The following ELOVL6 variants were observed in gnomAD, a reference collection of about 807,000 sequenced individuals.
The protein encoded by ELOVL6 is very long chain fatty acid elongase 6.
A neutral mutation model predicts 31.7 loss-of-function variants in ELOVL6; 8 were observed. The ratio of observed to expected loss-of-function variants is 0.25; its 90% confidence interval spans 0.15 to 0.45. The LOEUF is 0.45. Ranked by LOEUF, ELOVL6 falls within the 20% of genes least tolerant of loss-of-function variation. The probability of loss-of-function intolerance (pLI) is 1.00; values close to 1 mark genes in which losing one functional copy is unlikely to be tolerated. For missense variants in ELOVL6, 126 were observed against 326.4 expected (o/e 0.39, Z 4.73); for synonymous variants, 101 against 117.7 (o/e 0.86, Z 0.92).
intron 2 of ELOVL6, among the ~76,000 whole-genome samples, chr4:110,101,788 C>A (rs570062258): frequency 6.6e-6 from 1 of 152,320 alleles, no homozygotes; most frequent in African/African-American, 2.4e-5. Flanking sequence ...GACCCTCCCA[C>A]CTCAGCCTCC....
intron 1 of ELOVL6, among the ~76,000 whole-genome samples, chr4:110,109,714 C>A (rs1756977393): frequency 6.6e-6 from 1 of 152,142 alleles, no homozygotes; most frequent in African/African-American, 2.4e-5. Context: ...GAAACCAGTG[C>A]TTAGCTTGAG....
intron 2 of ELOVL6, among the ~76,000 whole-genome samples, chr4:110,078,947 C>A (rs1033028255): frequency 6.6e-6 from 1 of 152,122 alleles, no homozygotes; most frequent in African/African-American, 2.4e-5. Context: ...ATCCTAGTCT[C>A]TGATAAAACA....
intron 2 of ELOVL6, among the ~76,000 whole-genome samples, chr4:110,099,415 A>C (rs978764575): frequency 6.6e-6 from 1 of 152,198 alleles, no homozygotes; most frequent in African/African-American, 2.4e-5. Flanking sequence ...ATAGCCAGGA[A>C]ATTACAATGA....
intron 2 of ELOVL6, among the ~76,000 whole-genome samples, chr4:110,063,031 A>G (rs763913116): frequency 4.6e-5 from 7 of 152,094 alleles, no homozygotes; most frequent in Non-Finnish European, 1.0e-4. Context: ...CTCTATCACT[A>G]TTTGTATTAC....
intron 2 of ELOVL6, among the ~76,000 whole-genome samples, chr4:110,099,615 T>C (rs181479577): frequency 6.6e-6 from 1 of 152,212 alleles, no homozygotes; most frequent in Non-Finnish European, 1.5e-5. Flanking sequence ...CTTTTTATAA[T>C]GTACACTAAC....
At chr4:110,147,977 G>T (rs568741864) in intron 1 of ELOVL6, among the ~76,000 whole-genome samples, 11 of 152,128 alleles carry the variant, frequency 7.2e-5, no homozygotes, top group Non-Finnish European at 1.5e-4. Flanking sequence ...AGCTGGGTGT[G>T]GTGGCGCATG....
In ELOVL6 at chr4:110,198,243, G is replaced by A. The variant is rs751604418; in HGVS notation, c.89+4C>T. Reference sequence around the variant, plus strand: ...GAACAGTATCAGGCGAAAGCATCACGTACCAGTTTTCCTGCATCCATTGGA... The same window carrying A: ...GAACAGTATCAGGCGAAAGCATCACATACCAGTTTTCCTGCATCCATTGGA... On this transcript the variant is annotated splice_donor_region_variant and intron_variant, in intron 1 of 3. Transcript: ENST00000302274. 44 of 1,565,240 alleles carry A rather than the reference G, an allele frequency of 2.8e-5. No individual in the cohort carries two copies. Among genetic ancestry groups the A allele is most frequent in the Non-Finnish European group, 3.3e-5 (38 of 1,135,640 alleles).
chr4:110,078,272 C>T (rs2126230217), intron 2 of ELOVL6, among the ~76,000 whole-genome samples: 1 of 152,226 alleles, frequency 6.6e-6, no homozygotes, highest in African/African-American at 2.4e-5. Flanking sequence ...AGAGCAACTC[C>T]AAGACACATA....
chr4:110,189,314 C>T lies in ELOVL6; in HGVS notation c.89+8933G>A, dbSNP rs545911056. 2.6e-5 allele frequency among the ~76,000 whole-genome samples: 4 copies of T among 151,656 alleles called. No homozygotes were observed. In the South Asian group the frequency reaches 8.3e-4, roughly 32 times the overall value. Reference sequence around the variant, plus strand: ...AAAAAAGAGAGAGAGAGGCTAGACGCAGTGGCTCACGCCTGTAGTCCCAAA... The same window carrying T: ...AAAAAAGAGAGAGAGAGGCTAGACGTAGTGGCTCACGCCTGTAGTCCCAAA... On this transcript the variant is annotated intron_variant, in intron 1 of 3. Coordinates refer to ENST00000302274, the MANE Select transcript of ELOVL6 (RefSeq NM_024090.3).
At chr4:110,104,294 A>AT (rs1756827533) in intron 2 of ELOVL6, among the ~76,000 whole-genome samples, 1 of 152,230 alleles carries the variant, frequency 6.6e-6, no homozygotes, top group Non-Finnish European at 1.5e-5. Flanking sequence ...TCTTTATATT[A>AT]TAGAGAATCA....
intron 1 of ELOVL6, among the ~76,000 whole-genome samples, chr4:110,179,589 G>A (rs1431317763): frequency 6.6e-6 from 1 of 152,076 alleles, no homozygotes; most frequent in Non-Finnish European, 1.5e-5. Flanking sequence ...ATTTTCACAT[G>A]AAAAAATACA....
chr4:110,073,922 TTACAAAA>T (rs1755559807), intron 2 of ELOVL6, among the ~76,000 whole-genome samples: 1 of 152,224 alleles, frequency 6.6e-6, no homozygotes, highest in Admixed American at 6.5e-5. Flanking sequence ...AAACTTTAGG[TTACAAAA>T]TACAGATTTG....
At chr4:110,137,267 G>A (rs1757837536) in intron 1 of ELOVL6, among the ~76,000 whole-genome samples, 1 of 152,168 alleles carries the variant, frequency 6.6e-6, no homozygotes, top group South Asian at 2.1e-4. Context: ...CAGCTGAGTG[G>A]AAACTTAAGT....
chr4:110,143,812 T>G lies in ELOVL6; in HGVS notation c.90-38184A>C, dbSNP rs1189862848. Among the ~76,000 whole-genome samples, 3 of 152,100 alleles carry G rather than the reference T, an allele frequency of 2.0e-5. No individual in the cohort carries two copies. The South Asian group carries it at 6.2e-4, about 32-fold the overall frequency. On this transcript the variant is annotated intron_variant, in intron 1 of 3. Transcript: ENST00000302274. Reference sequence around the variant, plus strand: ...GGCTCACGCCTGTAATCCCAGCACTTTGGGAGGCTGAGGCGGGTGGATCAC... The same window carrying G: ...GGCTCACGCCTGTAATCCCAGCACTGTGGGAGGCTGAGGCGGGTGGATCAC...
intron 1 of ELOVL6, among the ~76,000 whole-genome samples, chr4:110,112,143 G>C (rs1757051035): frequency 1.5e-5 from 2 of 130,662 alleles, no homozygotes; most frequent in Non-Finnish European, 3.3e-5. Flanking sequence ...CTGAAAGTCT[G>C]AGCTGGGAAG....
At chr4:110,099,162 T>C (rs1756673470) in intron 2 of ELOVL6, among the ~76,000 whole-genome samples, 1 of 152,210 alleles carries the variant, frequency 6.6e-6, no homozygotes, top group Non-Finnish European at 1.5e-5. Flanking sequence ...TGCCAATAAT[T>C]CTTCAGATAT....
intron 1 of ELOVL6, among the ~76,000 whole-genome samples, chr4:110,115,659 C>T (rs1432703311): frequency 6.6e-6 from 1 of 152,174 alleles, no homozygotes; most frequent in Admixed American, 6.5e-5. Flanking sequence ...AAAATCTGAA[C>T]TCTCATTCAG....
At chr4:110,198,079 C>CA (rs980825744) in intron 1 of ELOVL6, 168 bp downstream of exon 1, 34 of 560,926 alleles carry the variant, frequency 6.1e-5, no homozygotes, top group Non-Finnish European at 1.0e-4. Flanking sequence ...CATGTACCCC[C>CA]CCCCCCCCAG....
At chr4:110,053,888 G>A (rs1293009130) in intron 3 of ELOVL6, among the ~76,000 whole-genome samples, 1 of 151,694 alleles carries the variant, frequency 6.6e-6, no homozygotes, top group Non-Finnish European at 1.5e-5. Flanking sequence ...GCAGTGAGCC[G>A]AGATTGTGCC....
Sources: gnomAD v4.1 joint callset for allele counts (sites outside exome capture counted in the v4.1 genomes callset) on GRCh38, gnomAD v4.1.1 for gene constraint, MANE v1.5 for transcripts, NCBI Gene and HGNC (gene_info 2026-07-23, HGNC 2026-07-21) for gene names.